PTAR1: variants seen among roughly 807,000 people sequenced by gnomAD.
PTAR1 encodes protein prenyltransferase alpha subunit repeat-containing protein 1.
Under a neutral mutation model 45.5 loss-of-function variants are expected in PTAR1, and 17 were observed. The ratio of observed to expected loss-of-function variants is 0.37; its 90% CI spans 0.26 to 0.56. The LOEUF (loss-of-function observed/expected upper bound fraction) is 0.56, where lower values mean the gene tolerates loss of function less well. Among genes scored for constraint, PTAR1 ranks in the 20% least tolerant of loss-of-function variants. PTAR1 has a pLI of 0.77. For missense variants in PTAR1, 391 were observed against 476.3 expected, an observed-to-expected ratio of 0.82 and a Z score of 1.67; for synonymous variants, 169 against 171.3, an observed-to-expected ratio of 0.99 and a Z score of 0.11.
Position 69,742,203 on chromosome 9 carries a change from C to T in PTAR1, c.257-345G>A, listed in dbSNP as rs1826071532. ...AATTTCTATGCCACTATTCATTTAACTTCACAAATATCTCAAGTATTGACG... is the reference window on the plus strand; with the variant it reads ...AATTTCTATGCCACTATTCATTTAATTTCACAAATATCTCAAGTATTGACG... On this transcript the variant is annotated intron_variant, in intron 2 of 7. Coordinates refer to ENST00000340434, the MANE Select transcript of PTAR1 (RefSeq NM_001099666.2). 3.3e-5 allele frequency among the ~76,000 whole-genome samples: 5 copies of T among 152,246 alleles called. 1 individual carries two copies. The South Asian group carries it at 1.0e-3, about 32-fold the overall frequency.
intron 1 of PTAR1, among the ~76,000 whole-genome samples, chr9:69,752,791 A>G (rs1159059318): frequency 6.6e-6 from 1 of 152,090 alleles, no homozygotes; most frequent in African/African-American, 2.4e-5. Context: ...CCTGAGGTCA[A>G]TGCCCAGTAT....
chr9:69,746,354 G>A lies in PTAR1; in HGVS notation c.256+4427C>T, dbSNP rs151325957. Among the ~76,000 whole-genome samples the A allele has an allele frequency of 5.7e-3, 871 of 152,340 alleles. 9 individuals are homozygous for A. Among genetic ancestry groups the A allele is most frequent in the African/African-American group, 0.018 (739 of 41,576 alleles). ...AGTCATTGCTAAGTGACTTCAGTGT[G>A]CTGACAAGTTCAGTTTAAATCCAGG... On this transcript the variant is annotated intron_variant, in intron 2 of 7. Transcript: ENST00000340434.
At chr9:69,737,186 C>A (rs1825826295) in intron 3 of PTAR1, among the ~76,000 whole-genome samples, 1 of 151,826 alleles carries the variant, frequency 6.6e-6, no homozygotes, top group Admixed American at 6.6e-5. Flanking sequence ...CTCAAGTGAT[C>A]CTCCTGCCTC....
At chr9:69,742,714 T>G (rs1826094439) in intron 2 of PTAR1, among the ~76,000 whole-genome samples, 2 of 152,176 alleles carry the variant, frequency 1.3e-5, no homozygotes, top group South Asian at 2.1e-4. Flanking sequence ...TGTACTTATG[T>G]CCCTATAACT....
At chr9:69,748,459 A>G (rs1443257841) in intron 2 of PTAR1, among the ~76,000 whole-genome samples, 1 of 152,096 alleles carries the variant, frequency 6.6e-6, no homozygotes, top group African/African-American at 2.4e-5. Context: ...ATTCCTAAAC[A>G]TCTAAGGAAT....
At chr9:69,755,054 T>A (rs1004905384) in intron 1 of PTAR1, among the ~76,000 whole-genome samples, 1 of 152,220 alleles carries the variant, frequency 6.6e-6, no homozygotes, top group Admixed American at 6.5e-5. Flanking sequence ...AATAGTCTTA[T>A]GAGAGGAACT....
intron 4 of PTAR1, among the ~76,000 whole-genome samples, chr9:69,733,233 C>T (rs1825626551): frequency 6.6e-6 from 1 of 152,138 alleles, no homozygotes; most frequent in African/African-American, 2.4e-5. Flanking sequence ...CCCCCATACA[C>T]ACAGTCATAT....
At chr9:69,721,546 G>A (rs965738815) in intron 6 of PTAR1, among the ~76,000 whole-genome samples, 2 of 152,120 alleles carry the variant, frequency 1.3e-5, no homozygotes, top group Admixed American at 1.3e-4. Flanking sequence ...CTCCAATTTC[G>A]AAATAAGTTC....
chr9:69,752,970 AAACT>A (rs1273032080), intron 1 of PTAR1, among the ~76,000 whole-genome samples: 1 of 152,128 alleles, frequency 6.6e-6, no homozygotes, highest in African/African-American at 2.4e-5. Context: ...AAATAAAGTA[AAACT>A]AAATAAGTAA....
Position 69,756,780 on chromosome 9 carries a change from T to C in PTAR1, c.86+3073A>G, listed in dbSNP as rs554306923. On this transcript the variant is annotated intron_variant, in intron 1 of 7. Transcript: ENST00000340434. ...ATAGCACTTGCTCATCATGCTCCTATCCAACTTTTACTATAAACTACTTTG... is the reference window on the plus strand; with the variant it reads ...ATAGCACTTGCTCATCATGCTCCTACCCAACTTTTACTATAAACTACTTTG... 2.0e-5 allele frequency among the ~76,000 whole-genome samples: 3 copies of C among 152,322 alleles called. No individual in the cohort carries two copies. The South Asian group carries it at 6.2e-4, about 32-fold the overall frequency.
chr9:69,731,752 A>G (rs1375728816), intron 5 of PTAR1, among the ~76,000 whole-genome samples: 4 of 145,264 alleles, frequency 2.8e-5, no homozygotes, highest in African/African-American at 9.7e-5. Context: ...TTTTCAGAGG[A>G]CGAGAGTGTG....
At chr9:69,724,751 T>C (rs999303268) in intron 5 of PTAR1, among the ~76,000 whole-genome samples, 1 of 152,212 alleles carries the variant, frequency 6.6e-6, no homozygotes, top group Admixed American at 6.5e-5. Flanking sequence ...AGATATTTAT[T>C]CATTCCTATC....
rs749466050 is a variant in PTAR1 at position 69,723,320 on chromosome 9, T to A, written c.947+6A>T. 9.9e-6 allele frequency: 16 copies of A among 1,610,006 alleles called. No homozygotes were observed. The highest frequency in any genetic ancestry group is 1.4e-5 in the Non-Finnish European group (16 of 1,177,274). ...TGTGTAGGAAATAGATTTTCCCTTT[T>A]CTTACCTATGACACCAAAGGGTTTC... On this transcript the variant is annotated splice_donor_region_variant and intron_variant, in intron 6 of 7. Coordinates refer to ENST00000340434, the MANE Select transcript of PTAR1 (RefSeq NM_001099666.2).
intron 6 of PTAR1, 29 bp downstream of exon 6, chr9:69,723,297 T>C: frequency 1.3e-6 from 2 of 1,585,188 alleles, no homozygotes; most frequent in African/African-American, 1.3e-5. Flanking sequence ...TGCAGTTTTG[T>C]GTAGGAAATA....
intron 3 of PTAR1, among the ~76,000 whole-genome samples, chr9:69,734,692 C>A (rs900504948): frequency 6.6e-6 from 1 of 151,968 alleles, no homozygotes; most frequent in African/African-American, 2.4e-5. Context: ...TACAAAACCA[C>A]ACATACAACA....
intron 5 of PTAR1, among the ~76,000 whole-genome samples, chr9:69,726,408 T>C (rs1193332208): frequency 6.6e-6 from 1 of 152,106 alleles, no homozygotes; most frequent in East Asian, 1.9e-4. Flanking sequence ...ATTTAACCAT[T>C]CCTGTGTTTG....
At chr9:69,750,383 T>C (rs925912724) in intron 2 of PTAR1, among the ~76,000 whole-genome samples, 10 of 151,966 alleles carry the variant, frequency 6.6e-5, no homozygotes, top group African/African-American at 1.9e-4. Flanking sequence ...ACTATGAAAA[T>C]GAGTTTTGCT....
chr9:69,739,240 C>G (rs1825930549), intron 3 of PTAR1, among the ~76,000 whole-genome samples: 1 of 152,126 alleles, frequency 6.6e-6, no homozygotes, highest in Non-Finnish European at 1.5e-5. Context: ...AATCAATAGG[C>G]TATGAGTTCA....
chr9:69,725,659 A>G (rs1404396806), intron 5 of PTAR1, among the ~76,000 whole-genome samples: 5 of 151,988 alleles, frequency 3.3e-5, no homozygotes, highest in Admixed American at 3.3e-4. Flanking sequence ...TTAGGCTTTT[A>G]AAGAGAAAAT....
Sources: gnomAD v4.1 joint callset for allele counts (sites outside exome capture counted in the v4.1 genomes callset) on GRCh38, gnomAD v4.1.1 for gene constraint, MANE v1.5 for transcripts, NCBI Gene and HGNC (gene_info 2026-07-23, HGNC 2026-07-21) for gene names.